ARL13B: variants seen among roughly 807,000 people sequenced by gnomAD.
ARL13B encodes the protein ARF like GTPase 13B.
ARL13B carries 36 observed loss-of-function variants against 56.1 expected under a neutral mutation model. The observed-to-expected ratio is 0.64, with a 90% CI of 0.49 to 0.85. The LOEUF is 0.85. ARL13B is among the 40% of genes least tolerant of loss of function. The pLI, the probability that ARL13B is intolerant of heterozygous loss-of-function variation, is 0.00. For synonymous variants in ARL13B, 178 were observed against 171.1 expected (o/e 1.04, Z -0.32); for missense variants, 519 against 507.1 (o/e 1.02, Z -0.23).
At position 94,043,157 on chromosome 3, in the gene ARL13B, T is replaced by A; in HGVS notation, c.941T>A (p.Phe314Tyr). 6.2e-7 allele frequency: 1 copy of A among 1,613,558 alleles called. No homozygotes were observed. Among genetic ancestry groups the A allele is most frequent in the Non-Finnish European group, 8.5e-7 (1 of 1,179,874 alleles). Residue 314 changes from phenylalanine (F) to tyrosine (Y), a missense_variant, in exon 7 of 10, where the codon TTT (phenylalanine) becomes TAT (tyrosine). Physicochemically the swap from Phe to Tyr is conservative, Grantham distance 22 (BLOSUM62 3). Transcript: ENST00000394222. ...CACAATGGCCAAAAAAATAATGAATTTGGACTAGTAGAAAATTATAAGGAG... is the reference window on the plus strand; with the variant it reads ...CACAATGGCCAAAAAAATAATGAATATGGACTAGTAGAAAATTATAAGGAG... ...VNHNGQKNNE[F>Y]GLVENYKEAL...
At chr3:94,030,364 T>G (rs1246857037) in intron 3 of ARL13B, among the ~76,000 whole-genome samples, 1 of 151,230 alleles carries the variant, frequency 6.6e-6, no homozygotes, top group Admixed American at 6.6e-5. Flanking sequence ...GTAGCTGGTA[T>G]TACAGGTGCA....
At position 94,003,795 on chromosome 3, in the gene ARL13B, C is replaced by G; in HGVS notation, c.267C>G (p.Ser89=). Residue 89 remains serine, a synonymous_variant, in exon 3 of 10, where the codon TCC becomes TCG. Coordinates refer to ENST00000394222, the MANE Select transcript of ARL13B (RefSeq NM_001174150.2). Reference sequence around the variant, plus strand: ...TCTGGAAGAATTACTATGCTGAATCCTATGGGGTAATATTTGTTGTGGATT... The same window carrying G: ...TCTGGAAGAATTACTATGCTGAATCGTATGGGGTAATATTTGTTGTGGATT... ...RGIWKNYYAE[S]YGVIFVVDSS... The G allele has an allele frequency of 6.2e-7, 1 of 1,613,610 alleles. No individual in the cohort carries two copies. The highest frequency in any genetic ancestry group is 8.5e-7 in the Non-Finnish European group (1 of 1,179,718).
intron 9 of ARL13B, 45 bp from the exon 10 acceptor site, chr3:94,053,142 T>G (rs2077092645): frequency 1.4e-6 from 2 of 1,472,128 alleles, no homozygotes; most frequent in African/African-American, 1.4e-5. Flanking sequence ...AAAATCTTGA[T>G]GTACCATAAC....
intron 3 of ARL13B, among the ~76,000 whole-genome samples, chr3:94,016,296 GA>G (rs1287239769): frequency 1.3e-5 from 2 of 151,444 alleles, no homozygotes; most frequent in Admixed American, 6.6e-5. Flanking sequence ...ATATCAACCA[GA>G]AAAAAAAGGT....
chr3:93,996,728 A>G (rs527300216), intron 2 of ARL13B: 167 of 280,724 alleles, frequency 5.9e-4, no homozygotes, highest in African/African-American at 3.5e-3. Context: ...AGCAGTATCT[A>G]TGCTAGTGAC....
intron 3 of ARL13B, among the ~76,000 whole-genome samples, chr3:94,016,193 A>G (rs2076330378): frequency 6.6e-6 from 1 of 152,162 alleles, no homozygotes; most frequent in Non-Finnish European, 1.5e-5. Flanking sequence ...TCACAGAGCA[A>G]CTTGATTTTA....
intron 5 of ARL13B, among the ~76,000 whole-genome samples, chr3:94,037,532 C>T (rs1286164050): frequency 6.6e-6 from 1 of 152,076 alleles, no homozygotes; most frequent in Non-Finnish European, 1.5e-5. Flanking sequence ...ATGAGCGTGC[C>T]TTTCATCTAG....
chr3:94,022,983 A>G (rs1306086446), intron 3 of ARL13B, among the ~76,000 whole-genome samples: 3 of 151,860 alleles, frequency 2.0e-5, no homozygotes, highest in Non-Finnish European at 4.4e-5. Flanking sequence ...CATTTTATTC[A>G]TCTTTTGAGG....
intron 1 of ARL13B, among the ~76,000 whole-genome samples, chr3:93,992,651 G>A (rs772470202): frequency 2.6e-5 from 4 of 152,168 alleles, no homozygotes; most frequent in Non-Finnish European, 5.9e-5. Context: ...TTCGTTCATG[G>A]CAATGTTTAA....
chr3:94,043,115 C>G lies in ARL13B; in HGVS notation c.899C>G (p.Thr300Arg). Residue 300 changes from threonine to arginine, a missense_variant, in exon 7 of 10, where the codon ACA becomes AGA. Transcript: ENST00000394222. Reference protein sequence around the residue: ...KHKMEHEQIETQGQVNHNGQK... With the variant: ...KHKMEHEQIERQGQVNHNGQK... ...AAAATGGAGCATGAGCAAATAGAGACACAAGGCCAGGTTAATCACAATGGC... is the reference window on the plus strand; with the variant it reads ...AAAATGGAGCATGAGCAAATAGAGAGACAAGGCCAGGTTAATCACAATGGC... The G allele has an allele frequency of 6.2e-7, 1 of 1,613,648 alleles. No homozygotes were observed. Among genetic ancestry groups the G allele is most frequent in the Non-Finnish European group, 8.5e-7 (1 of 1,179,910 alleles).
chr3:94,019,911 C>G (rs1291224780), intron 3 of ARL13B, among the ~76,000 whole-genome samples: 2 of 152,194 alleles, frequency 1.3e-5, no homozygotes, highest in Non-Finnish European at 2.9e-5. Flanking sequence ...TTTTCCCCAA[C>G]CCAGTCCTTA....
At chr3:93,998,845 G>A (rs1173087771) in intron 2 of ARL13B, among the ~76,000 whole-genome samples, 3 of 151,156 alleles carry the variant, frequency 2.0e-5, no homozygotes, top group Non-Finnish European at 4.4e-5. Flanking sequence ...TAGGCCATGC[G>A]CCTAGGTCTT....
intron 3 of ARL13B, among the ~76,000 whole-genome samples, chr3:94,018,624 T>G (rs2076382680): frequency 6.6e-6 from 1 of 152,154 alleles, no homozygotes; most frequent in South Asian, 2.1e-4. Context: ...AGGTTGCTCT[T>G]AAAAAACTGC....
chr3:93,986,989 C>T (rs1004798130), intron 1 of ARL13B, among the ~76,000 whole-genome samples: 1 of 151,916 alleles, frequency 6.6e-6, no homozygotes, highest in Non-Finnish European at 1.5e-5. Context: ...AAAGGAATAG[C>T]TTTTATCTAA....
chr3:94,001,959 A>G (rs2076062874), intron 2 of ARL13B, among the ~76,000 whole-genome samples: 1 of 152,174 alleles, frequency 6.6e-6, no homozygotes, highest in South Asian at 2.1e-4. Flanking sequence ...TTTCTAGGTA[A>G]TGAAAGTATT....
At chr3:93,994,431 C>CT (rs1287127018) in intron 1 of ARL13B, among the ~76,000 whole-genome samples, 1 of 146,878 alleles carries the variant, frequency 6.8e-6, no homozygotes, top group Non-Finnish European at 1.5e-5. Context: ...CTGCTCTACT[C>CT]TGTTTTTTTC....
intron 3 of ARL13B, among the ~76,000 whole-genome samples, chr3:94,021,256 T>C (rs1286791854): frequency 6.6e-6 from 1 of 151,462 alleles, no homozygotes; most frequent in Non-Finnish European, 1.5e-5. Flanking sequence ...TGCAGTGTCA[T>C]GATCTCAGCT....
chr3:94,020,778 T>C (rs1490657040), intron 3 of ARL13B, among the ~76,000 whole-genome samples: 1 of 152,222 alleles, frequency 6.6e-6, no homozygotes, highest in Non-Finnish European at 1.5e-5. Context: ...TAAAGCATTC[T>C]ACTATTTATT....
In ARL13B at chr3:94,053,581, A is replaced by G. The variant is rs2077100068; in HGVS notation, c.*318A>G. The G allele has an allele frequency of 3.9e-6, 2 of 512,426 alleles. No homozygotes were observed. The highest frequency in any genetic ancestry group is 5.7e-4 in the Middle Eastern group (1 of 1,758). 31.7% of individuals were successfully genotyped at this position (512,426 alleles called of 1,614,324 possible). ...AAGGAAAACTTTACAAAAAGAGCCA[A>G]TGGACTCAGCACTTTCTTTACTATT... On this transcript the variant is annotated 3_prime_UTR_variant, in exon 10 of 10. Transcript: ENST00000394222.
Sources: gnomAD v4.1 joint callset for allele counts (sites outside exome capture counted in the v4.1 genomes callset) on GRCh38, gnomAD v4.1.1 for gene constraint, MANE v1.5 for transcripts, NCBI Gene and HGNC (gene_info 2026-07-23, HGNC 2026-07-21) for gene names.